LMO7: variants seen among roughly 807,000 people sequenced by gnomAD.
The protein encoded by LMO7 is LIM domain only protein 7.
Under a neutral mutation model 206.5 loss-of-function variants are expected in LMO7, and 120 were observed. The observed-to-expected ratio is 0.58, with a 90% CI of 0.50 to 0.68. The LOEUF (loss-of-function observed/expected upper bound fraction) is 0.68, where lower values mean the gene tolerates loss of function less well. LMO7 is among the 30% of genes least tolerant of loss of function. The probability of loss-of-function intolerance (pLI) is 0.00; values close to 1 mark genes in which losing one functional copy is unlikely to be tolerated. For missense variants in LMO7, 1,959 were observed against 1,957.9 expected (o/e 1.00, Z -0.01); for synonymous variants, 706 against 681.5 (o/e 1.04, Z -0.56).
At chr13:75,666,033 A>G (rs1053879104) in intron 1 of LMO7, among the ~76,000 whole-genome samples, 1 of 152,368 alleles carries the variant, frequency 6.6e-6, no homozygotes, top group Non-Finnish European at 1.5e-5. Context: ...CCTCCAAGTA[A>G]CATTTGTCAT....
At chr13:75,826,327 C>T (rs1444896169) in intron 15 of LMO7, among the ~76,000 whole-genome samples, 1 of 152,198 alleles carries the variant, frequency 6.6e-6, no homozygotes, top group African/African-American at 2.4e-5. Flanking sequence ...CAGGTGTGAG[C>T]CACCACACCC....
chr13:75,832,754 T>C (rs1595391871), intron 15 of LMO7, among the ~76,000 whole-genome samples: 1 of 152,132 alleles, frequency 6.6e-6, no homozygotes, highest in South Asian at 2.1e-4. Context: ...TTAGACCCAA[T>C]TGTACAGTGG....
chr13:75,679,155 T>C (rs1272860202), intron 1 of LMO7, among the ~76,000 whole-genome samples: 1 of 152,232 alleles, frequency 6.6e-6, no homozygotes, highest in African/African-American at 2.4e-5. Context: ...ACCTTGTATA[T>C]AAGAAACATT....
chr13:75,661,895 T>C (rs1053482040), intron 1 of LMO7, among the ~76,000 whole-genome samples: 9 of 152,260 alleles, frequency 5.9e-5, no homozygotes, highest in African/African-American at 1.9e-4. Flanking sequence ...ACTGATACTT[T>C]CTTAAATGGT....
rs541768964 is a variant in LMO7, at chr13:75,819,158, T to C, written c.2065-235T>C. ...ATGAAGTGTGCAATGAGGCAGATAC[T>C]TTCTGGGAAAACAAAAATGGGGTCT... On this transcript the variant is annotated intron_variant, in intron 12 of 30. Transcript: ENST00000377534. 7.8e-5 allele frequency: 29 copies of C among 372,226 alleles called. No homozygotes were observed. The South Asian group carries it at 1.6e-3, about 21-fold the overall frequency. The allele number at this position is 372,226 out of a possible 1,614,324, so 23.1% of individuals were successfully genotyped here. A position where few individuals can be genotyped will look rare whatever the true frequency, so the allele number is the denominator to read the frequency against.
chr13:75,800,658 T>C, intron 6 of LMO7, 26 bp from the exon 7 acceptor site: 1 of 1,601,214 alleles, frequency 6.2e-7, no homozygotes, highest in South Asian at 1.1e-5. Context: ...TTTAACTTAC[T>C]ATTCTTTAAA....
At position 75,805,484 on chromosome 13, in the gene LMO7, A is replaced by G. The variant is rs1283232254; in HGVS notation, c.920A>G (p.Gln307Arg). 2 of 1,613,534 alleles carry G rather than the reference A, an allele frequency of 1.2e-6. No homozygotes were observed. The highest frequency in any genetic ancestry group is 1.7e-5 in the Admixed American group (1 of 59,990). ...TEADGTFSSNQRRIWGTNVEN... is the reference protein window; with the variant it reads ...TEADGTFSSNRRRIWGTNVEN... Reference sequence around the variant, plus strand: ...CGGTTGGATGTTTTGAACAGTAATCAGAGGAGGATTTGGGGCACCAATGTG... The same window carrying G: ...CGGTTGGATGTTTTGAACAGTAATCGGAGGAGGATTTGGGGCACCAATGTG... The change falls in exon 9 of 31, where the codon CAG (glutamine) becomes CGG (arginine). Residue 307 changes from glutamine to arginine, a missense_variant. By Grantham distance (43) the Gln-to-Arg change is conservative. Transcript: ENST00000377534.
intron 4 of LMO7, among the ~76,000 whole-genome samples, chr13:75,770,474 C>A (rs1212903704): frequency 6.6e-6 from 1 of 152,068 alleles, no homozygotes; most frequent in African/African-American, 2.4e-5. Flanking sequence ...GATCCCAAAT[C>A]TTGTGTGTAC....
In LMO7 at chr13:75,819,429, A is replaced by C; in HGVS notation, c.2101A>C (p.Thr701Pro). 6.2e-7 allele frequency: 1 copy of C among 1,610,298 alleles called. No individual in the cohort carries two copies. Among genetic ancestry groups the C allele is most frequent in the Non-Finnish European group, 8.5e-7 (1 of 1,179,088 alleles). The change falls in exon 13 of 31, where the codon ACT becomes CCT. Residue 701 changes from threonine to proline, a missense_variant. Thr to Pro is a conservative substitution (Grantham distance 38). Coordinates refer to ENST00000377534, the MANE Select transcript of LMO7 (RefSeq NM_001306080.2). Reference protein sequence around the residue: ...AKWKDRRKSYTSDLQKKKEER... With the variant: ...AKWKDRRKSYPSDLQKKKEER... ...ATGGAAAGATCGTCGAAAAAGTTAC[A>C]CTTCAGATCTGCAGAAGAAAAAAGA...
chr13:75,781,566 T>C (rs1015817207), intron 4 of LMO7, among the ~76,000 whole-genome samples: 1 of 152,016 alleles, frequency 6.6e-6, no homozygotes, highest in Non-Finnish European at 1.5e-5. Flanking sequence ...TTTGCTATTG[T>C]GAATAGTGCC....
intron 1 of LMO7, among the ~76,000 whole-genome samples, chr13:75,655,421 T>C (rs866386808): frequency 7.2e-5 from 11 of 152,152 alleles, no homozygotes; most frequent in Non-Finnish European, 1.3e-4. Context: ...AGGTTTTATC[T>C]GACTCAGTGA....
At chr13:75,694,824 T>G (rs2041783090) in intron 1 of LMO7, among the ~76,000 whole-genome samples, 1 of 152,124 alleles carries the variant, frequency 6.6e-6, no homozygotes, top group African/African-American at 2.4e-5. Context: ...GAGGACTAAC[T>G]TGAGGACTAG....
chr13:75,843,300 G>A (rs2059700523), intron 25 of LMO7, among the ~76,000 whole-genome samples: 1 of 152,158 alleles, frequency 6.6e-6, no homozygotes, highest in African/African-American at 2.4e-5. Flanking sequence ...AAGGTCTTAT[G>A]TATACGTGGT....
intron 1 of LMO7, among the ~76,000 whole-genome samples, chr13:75,637,535 A>G (rs1373068938): frequency 1.3e-5 from 2 of 152,230 alleles, no homozygotes; most frequent in Non-Finnish European, 2.9e-5. Context: ...AAACGAGGCA[A>G]AAGTCTTCCA....
intron 4 of LMO7, among the ~76,000 whole-genome samples, chr13:75,769,910 G>A (rs755435029): frequency 2.6e-5 from 4 of 152,132 alleles, no homozygotes; most frequent in Non-Finnish European, 4.4e-5. Context: ...GAAAATCGTC[G>A]AAGGAATTAG....
chr13:75,736,665 A>T (rs954121379), intron 3 of LMO7, among the ~76,000 whole-genome samples: 1 of 152,252 alleles, frequency 6.6e-6, no homozygotes, highest in Non-Finnish European at 1.5e-5. Flanking sequence ...GCAAGAAAGC[A>T]TCACGTAATA....
chr13:75,779,646 TGCGTG>T (rs1370165485), intron 4 of LMO7, among the ~76,000 whole-genome samples: 1 of 152,214 alleles, frequency 6.6e-6, no homozygotes, highest in East Asian at 1.9e-4. Flanking sequence ...GAAGTGCATG[TGCGTG>T]CATGTGCATG....
At chr13:75,746,566 G>T (rs1218951974) in intron 3 of LMO7, among the ~76,000 whole-genome samples, 1 of 152,180 alleles carries the variant, frequency 6.6e-6, no homozygotes, top group African/African-American at 2.4e-5. Context: ...GATTTCTGAT[G>T]CAATCCCTGT....
intron 3 of LMO7, among the ~76,000 whole-genome samples, chr13:75,756,085 G>A (rs774573150): frequency 1.6e-4 from 25 of 152,102 alleles, no homozygotes; most frequent in Admixed American, 9.8e-4. Flanking sequence ...AGGAGTTGAG[G>A]ATGTGGTTGT....
Sources: allele counts gnomAD v4.1 joint callset (sites outside exome capture counted in the v4.1 genomes callset), GRCh38; gene constraint gnomAD v4.1.1; transcripts MANE v1.5; gene names NCBI Gene and HGNC (gene_info 2026-07-23, HGNC 2026-07-21).